The following IL31RA variants were observed in gnomAD, a reference collection of about 807,000 sequenced individuals.
IL31RA encodes interleukin-31 receptor subunit alpha.
Under a neutral mutation model 83.7 loss-of-function variants are expected in IL31RA, and 66 were observed. That is an observed-to-expected ratio of 0.79 (90% CI 0.65 to 0.97). The LOEUF is 0.97. Among genes scored for constraint, IL31RA ranks in the 50% least tolerant of loss-of-function variants. IL31RA has a pLI of 0.00. For missense variants in IL31RA, 798 were observed against 919.4 expected, an observed-to-expected ratio of 0.87 and a Z score of 1.71; for synonymous variants, 325 against 329.0, an observed-to-expected ratio of 0.99 and a Z score of 0.13.
intron 1 of IL31RA, among the ~76,000 whole-genome samples, chr5:55,856,748 C>G (rs1745388229): frequency 6.6e-6 from 1 of 152,126 alleles, no homozygotes; most frequent in Non-Finnish European, 1.5e-5. Flanking sequence ...GTCTTTCGCT[C>G]CAGTGACAGG....
upstream of IL31RA, among the ~76,000 whole-genome samples, chr5:55,848,825 T>C (rs772628472): frequency 2.0e-4 from 30 of 152,212 alleles, no homozygotes; most frequent in Non-Finnish European, 4.3e-4. Flanking sequence ...CGTCAATCCA[T>C]TTATCTATCT....
intron 13 of IL31RA, 136 bp downstream of exon 13, chr5:55,913,706 T>C (rs1217229199): frequency 1.7e-5 from 12 of 720,474 alleles, no homozygotes; most frequent in South Asian, 1.6e-4. Context: ...TGCGTATTTA[T>C]TGAGGTTATT....
rs763666434 is a variant in IL31RA at position 55,906,197 on chromosome 5, G to C, written c.1161G>C (p.Trp387Cys). Reference protein sequence around the residue: ...WQSSALDVNTWMIEWFPDVDS... With the variant: ...WQSSALDVNTCMIEWFPDVDS... ...GCTCTGCTCTAGACGTGAACACTTGGATGATTGAATGGTTTCCGGATGTGG... is the reference window on the plus strand; with the variant it reads ...GCTCTGCTCTAGACGTGAACACTTGCATGATTGAATGGTTTCCGGATGTGG... The change falls in exon 9 of 15, where the codon TGG becomes TGC. Residue 387 changes from tryptophan to cysteine, a missense_variant. Trp to Cys is a radical substitution (Grantham distance 215, BLOSUM62 -2). Transcript: ENST00000652347. The C allele has an allele frequency of 1.2e-5, 20 of 1,614,064 alleles. No homozygotes were observed. The highest frequency in any genetic ancestry group is 1.6e-5 in the Non-Finnish European group (19 of 1,180,036).
chr5:55,895,218 ACT>A (rs2112494955), intron 6 of IL31RA, among the ~76,000 whole-genome samples: 1 of 152,040 alleles, frequency 6.6e-6, no homozygotes, highest in South Asian at 2.1e-4. Context: ...AGGGACATTT[ACT>A]CTCTTCTCCA....
chr5:55,876,707 C>T (rs552613497), intron 4 of IL31RA, among the ~76,000 whole-genome samples: 6 of 152,164 alleles, frequency 3.9e-5, no homozygotes, highest in African/African-American at 1.4e-4. Flanking sequence ...TTTGTATTTT[C>T]AGATCTAAAG....
At chr5:55,851,775 T>C in intron 1 of IL31RA, 142 bp downstream of exon 1, 1 of 1,568,102 alleles carries the variant, frequency 6.4e-7, no homozygotes, top group Non-Finnish European at 8.7e-7. Context: ...GGCATAATTA[T>C]GTTTGCTTAT....
chr5:55,859,148 CTG>C (rs1368054801), intron 1 of IL31RA, among the ~76,000 whole-genome samples: 2 of 152,198 alleles, frequency 1.3e-5, no homozygotes, highest in Admixed American at 6.5e-5. Flanking sequence ...CTTGGCAAAA[CTG>C]TGAGTTGTTC....
chr5:55,872,163 A>T, intron 3 of IL31RA, 107 bp from the exon 4 acceptor site: 1 of 841,764 alleles, frequency 1.2e-6, no homozygotes, highest in Non-Finnish European at 2.0e-6. Context: ...TACAGTTCTC[A>T]AGAAAACCCA....
intron 4 of IL31RA, among the ~76,000 whole-genome samples, chr5:55,880,226 A>G (rs74695735): frequency 0.056 from 8,599 of 152,252 alleles, 517 homozygotes; most frequent in African/African-American, 0.15. Context: ...ACACGGATTG[A>G]TGACCACCCT....
At position 55,918,798 on chromosome 5, in the gene IL31RA, C is replaced by T. The variant is rs1035642898; in HGVS notation, c.*1678C>T. On this transcript the variant is annotated 3_prime_UTR_variant, in exon 15 of 15. Coordinates refer to ENST00000652347, the MANE Select transcript of IL31RA (RefSeq NM_139017.7). ...TAACATCTCCAGCGGCTGCAGCCACCCCCCCACCACCCACCCAGGACTCAG... is the reference window on the plus strand; with the variant it reads ...TAACATCTCCAGCGGCTGCAGCCACTCCCCCACCACCCACCCAGGACTCAG... 6.6e-6 allele frequency among the ~76,000 whole-genome samples: 1 copy of T among 151,916 alleles called. No homozygotes were observed. The highest frequency in any genetic ancestry group is 1.5e-5 in the Non-Finnish European group (1 of 67,994).
At chr5:55,850,601 AG>A (rs1402678331), upstream of IL31RA, among the ~76,000 whole-genome samples, 22 of 152,176 alleles carry the variant, frequency 1.4e-4, no homozygotes, top group East Asian at 3.1e-3. Flanking sequence ...CTTTCTTTCA[AG>A]TTTTTTCCCC....
chr5:55,896,543 T>TCCATTCCCTCCCCTCCCCTC, intron 7 of IL31RA, 114 bp downstream of exon 7: 1 of 554,468 alleles, frequency 1.8e-6, no homozygotes, highest in East Asian at 3.4e-5. Flanking sequence ...TCCCTTCCCT[T>TCCATTCCCTCCCCTCCCCTC]CCCTTCCCTC....
At chr5:55,859,388 C>A in intron 1 of IL31RA, 121 bp from the exon 2 acceptor site, 1 of 751,760 alleles carries the variant, frequency 1.3e-6, no homozygotes, top group East Asian at 2.6e-5. Flanking sequence ...TGATAGTCAA[C>A]AAATAAAATA....
intron 1 of IL31RA, among the ~76,000 whole-genome samples, chr5:55,856,787 T>A (rs1015131361): frequency 6.6e-6 from 1 of 152,220 alleles, no homozygotes; most frequent in African/African-American, 2.4e-5. Flanking sequence ...TCGTAGATAG[T>A]ACTGGATAAA....
chr5:55,866,356 A>G (rs891897294), intron 2 of IL31RA, among the ~76,000 whole-genome samples: 5 of 151,944 alleles, frequency 3.3e-5, no homozygotes, highest in African/African-American at 7.3e-5. Context: ...CAATTTTTCC[A>G]TGGACAGGGG....
intron 4 of IL31RA, among the ~76,000 whole-genome samples, chr5:55,877,048 T>A (rs1029826717): frequency 6.6e-6 from 1 of 152,194 alleles, no homozygotes; most frequent in Non-Finnish European, 1.5e-5. Context: ...TTTATCCCTC[T>A]TTTTTTCATT....
chr5:55,865,951 T>A (rs1746021571), intron 2 of IL31RA, among the ~76,000 whole-genome samples: 1 of 152,218 alleles, frequency 6.6e-6, no homozygotes, highest in Non-Finnish European at 1.5e-5. Flanking sequence ...CTGTCTTCCC[T>A]GAACTGTCTG....
intron 5 of IL31RA, among the ~76,000 whole-genome samples, chr5:55,887,927 G>C (rs1036636297): frequency 6.6e-6 from 1 of 151,636 alleles, no homozygotes; most frequent in Non-Finnish European, 1.5e-5. Context: ...GTGCGGACCT[G>C]TAGCCCCAGC....
At chr5:55,874,413 A>C (rs6893712) in intron 4 of IL31RA, among the ~76,000 whole-genome samples, 19 of 152,156 alleles carry the variant, frequency 1.2e-4, no homozygotes, top group African/African-American at 4.3e-4. Flanking sequence ...ATAATATTTT[A>C]GTATTAGCTT....
Sources: gnomAD v4.1 joint callset for allele counts (sites outside exome capture counted in the v4.1 genomes callset) on GRCh38, gnomAD v4.1.1 for gene constraint, MANE v1.5 for transcripts, NCBI Gene and HGNC (gene_info 2026-07-23, HGNC 2026-07-21) for gene names.